Variants in LARGE1 observed in about 807,000 individuals in gnomAD.
The protein encoded by LARGE1 is LARGE xylosyl- and glucuronyltransferase 1, also known as xylosyl- and glucuronyltransferase LARGE1.
A neutral mutation model predicts 87.6 loss-of-function variants in LARGE1; 43 were observed. The ratio of observed to expected loss-of-function variants is 0.49; its 90% CI spans 0.38 to 0.63. The LOEUF (loss-of-function observed/expected upper bound fraction) is 0.63, where lower values mean the gene tolerates loss of function less well. Among genes scored for constraint, LARGE1 ranks in the 30% least tolerant of loss-of-function variants. The probability of loss-of-function intolerance (pLI) is 0.00; values close to 1 mark genes in which losing one functional copy is unlikely to be tolerated. For missense variants in LARGE1, 802 were observed against 1,000.2 expected, an observed-to-expected ratio of 0.80 and a Z score of 2.67; for synonymous variants, 434 against 394.6, an observed-to-expected ratio of 1.10 and a Z score of -1.18.
intron 1 of LARGE1, among the ~76,000 whole-genome samples, chr22:33,803,184 A>C (rs949376023): frequency 6.6e-6 from 1 of 152,160 alleles, no homozygotes; most frequent in African/African-American, 2.4e-5. Flanking sequence ...ACATTATGGA[A>C]TTGGTAGAGC....
intron 6 of LARGE1, among the ~76,000 whole-genome samples, chr22:33,512,898 C>T (rs2071122260): frequency 6.6e-6 from 1 of 152,208 alleles, no homozygotes; most frequent in South Asian, 2.1e-4. Context: ...TCAACATACC[C>T]TGTGATGCTC....
chr22:33,454,878 C>G (rs780471953), intron 6 of LARGE1, among the ~76,000 whole-genome samples: 10 of 152,072 alleles, frequency 6.6e-5, no homozygotes, highest in Non-Finnish European at 1.3e-4. Context: ...TGGTGCTAAA[C>G]CATTTATGAA....
At chr22:33,713,103 T>C (rs2082786398) in intron 2 of LARGE1, among the ~76,000 whole-genome samples, 1 of 152,148 alleles carries the variant, frequency 6.6e-6, no homozygotes, top group South Asian at 2.1e-4. Context: ...TTCATATCTA[T>C]TTTCTTATAA....
At chr22:33,533,236 C>G (rs1569244867) in intron 6 of LARGE1, among the ~76,000 whole-genome samples, 2 of 152,034 alleles carry the variant, frequency 1.3e-5, no homozygotes, top group Non-Finnish European at 1.5e-5. Context: ...TTTTAGGTAC[C>G]TATAAAAATT....
downstream of LARGE1, among the ~76,000 whole-genome samples, chr22:33,269,362 A>G (rs1472930968): frequency 6.6e-6 from 1 of 152,168 alleles, no homozygotes; most frequent in Non-Finnish European, 1.5e-5. Flanking sequence ...TTATCTGTTT[A>G]CTTTTCTGCT....
intron 1 of LARGE1, among the ~76,000 whole-genome samples, chr22:33,874,384 C>T (rs934445910): frequency 3.3e-5 from 5 of 152,282 alleles, no homozygotes; most frequent in East Asian, 1.9e-4. Context: ...CATCAGCCGC[C>T]GCTTTGATCT....
chr22:33,679,797 G>A (rs1028833214), intron 2 of LARGE1, among the ~76,000 whole-genome samples: 2 of 152,054 alleles, frequency 1.3e-5, no homozygotes, highest in Non-Finnish European at 2.9e-5. Context: ...AGCCGAGATC[G>A]TGCCACTGCA....
chr22:33,381,747 G>A (rs1254433905), intron 9 of LARGE1, among the ~76,000 whole-genome samples, 172 bp downstream of exon 9: 2 of 152,070 alleles, frequency 1.3e-5, no homozygotes, highest in African/African-American at 4.8e-5. Context: ...GCCCAAATAA[G>A]GGTGGAAAAA....
At chr22:33,826,545 C>CT (rs2062791281) in intron 1 of LARGE1, among the ~76,000 whole-genome samples, 1 of 151,944 alleles carries the variant, frequency 6.6e-6, no homozygotes, top group African/African-American at 2.4e-5. Context: ...ATTTCACCAT[C>CT]TTGGCCAGGC....
intron 11 of LARGE1, among the ~76,000 whole-genome samples, chr22:33,253,184 G>T (rs1181234320): frequency 6.6e-6 from 1 of 152,096 alleles, no homozygotes; most frequent in East Asian, 1.9e-4. Flanking sequence ...GATATGATAG[G>T]GATAATGCTG....
chr22:33,240,275 TAATA>T (rs1322618004), intron 11 of LARGE1, among the ~76,000 whole-genome samples: 1 of 152,248 alleles, frequency 6.6e-6, no homozygotes, highest in Non-Finnish European at 1.5e-5. Context: ...TATTTCTAAT[TAATA>T]AGCCTTTTTA....
intron 1 of LARGE1, among the ~76,000 whole-genome samples, chr22:33,893,781 T>C (rs1298665703): frequency 6.6e-6 from 1 of 152,188 alleles, no homozygotes. Flanking sequence ...TCAAGCGGTA[T>C]TCAGGTATCA....
At chr22:33,823,355 G>A (rs2062693425) in intron 1 of LARGE1, among the ~76,000 whole-genome samples, 1 of 152,148 alleles carries the variant, frequency 6.6e-6, no homozygotes, top group Non-Finnish European at 1.5e-5. Flanking sequence ...AGCTGCCCAA[G>A]GACAGAAGCC....
chr22:33,752,371 C>T (rs2084349918), intron 2 of LARGE1, among the ~76,000 whole-genome samples: 1 of 152,112 alleles, frequency 6.6e-6, no homozygotes, highest in Non-Finnish European at 1.5e-5. Context: ...ATCCTCCCTC[C>T]TTTTGTTAAA....
At chr22:33,075,062 G>A in the LARGE1 span, among the ~76,000 whole-genome samples, 6 of 152,146 alleles carry the variant, frequency 3.9e-5, no homozygotes, top group Non-Finnish European at 8.8e-5. Context: ...ATTTAAATGC[G>A]TACCAGTGTT....
At chr22:33,188,448 T>C (rs1417143994) in intron 11 of LARGE1, among the ~76,000 whole-genome samples, 1 of 152,128 alleles carries the variant, frequency 6.6e-6, no homozygotes, top group Non-Finnish European at 1.5e-5. Context: ...CCGGGCCTGC[T>C]GCAAATGCTA....
At chr22:33,880,913 T>G (rs571591823) in intron 1 of LARGE1, among the ~76,000 whole-genome samples, 120 of 152,348 alleles carry the variant, frequency 7.9e-4, no homozygotes, top group African/African-American at 2.7e-3. Flanking sequence ...AATGTACTTT[T>G]TATTAGAATA....
chr22:33,236,710 G>A (rs544613137), intron 11 of LARGE1, among the ~76,000 whole-genome samples: 1 of 152,286 alleles, frequency 6.6e-6, no homozygotes, highest in East Asian at 1.9e-4. Context: ...AGGTGTTGGT[G>A]GATGCTGCTG....
At chr22:33,244,668 A>T (rs1031465897) in intron 11 of LARGE1, among the ~76,000 whole-genome samples, 8 of 152,378 alleles carry the variant, frequency 5.3e-5, no homozygotes, top group Admixed American at 2.0e-4. Context: ...CAACTATGCC[A>T]TCTGTCATCA....
Sources: gnomAD v4.1 joint callset for allele counts (sites outside exome capture counted in the v4.1 genomes callset) on GRCh38, gnomAD v4.1.1 for gene constraint, MANE v1.5 for transcripts, NCBI Gene and HGNC (gene_info 2026-07-23, HGNC 2026-07-21) for gene names.